The following ALK variants were observed in gnomAD, a reference collection of about 807,000 sequenced individuals.
ALK encodes ALK receptor tyrosine kinase, also known as ALK tyrosine kinase receptor.
Under a neutral mutation model 163.1 loss-of-function variants are expected in ALK, and 74 were observed. That is an observed-to-expected ratio of 0.45 (90% confidence interval 0.38 to 0.55). The LOEUF (loss-of-function observed/expected upper bound fraction) is 0.55, where lower values mean the gene tolerates loss of function less well. Ranked by LOEUF, ALK falls within the 20% of genes least tolerant of loss-of-function variation. The pLI is 0.00. For synonymous variants in ALK, 960 were observed against 843.2 expected (o/e 1.14, Z -2.40); for missense variants, 2,063 against 2,105.3 (o/e 0.98, Z 0.39).
At chr2:29,668,514 G>A (rs1370501569) in intron 3 of ALK, among the ~76,000 whole-genome samples, 1 of 151,958 alleles carries the variant, frequency 6.6e-6, no homozygotes, top group African/African-American at 2.4e-5. Flanking sequence ...TTGACCCATT[G>A]GTTGTTCAGG....
intron 1 of ALK, among the ~76,000 whole-genome samples, chr2:29,908,484 C>G (rs1160601214): frequency 6.6e-6 from 1 of 152,230 alleles, no homozygotes; most frequent in Non-Finnish European, 1.5e-5. Flanking sequence ...AGACCCTATT[C>G]TCAAATTACC....
At chr2:29,370,447 A>G (rs1037155138) in intron 5 of ALK, among the ~76,000 whole-genome samples, 3 of 152,186 alleles carry the variant, frequency 2.0e-5, no homozygotes, top group African/African-American at 7.2e-5. Flanking sequence ...TCCTGACCTT[A>G]CACTTGGGCT....
intron 3 of ALK, among the ~76,000 whole-genome samples, chr2:29,694,483 T>C (rs1291060201): frequency 6.6e-6 from 1 of 152,248 alleles, no homozygotes; most frequent in Non-Finnish European, 1.5e-5. Context: ...GACACACTTG[T>C]ACTAAAAAAT....
intron 5 of ALK, among the ~76,000 whole-genome samples, chr2:29,347,865 T>G (rs1178896071): frequency 6.6e-6 from 1 of 152,214 alleles, no homozygotes; most frequent in Non-Finnish European, 1.5e-5. Context: ...TGCATCAAAG[T>G]CATGCTTCTT....
rs1669150189 is a variant in ALK at position 29,200,773 on chromosome 2, G to GTT, written c.3939-3098_3939-3097insAA. ...TATACGTATATATGTATATATATAC[G>GTT]TATATATATGTATATACATGTATAC... On this transcript the variant is annotated intron_variant, in intron 26 of 28. Coordinates refer to ENST00000389048, the MANE Select transcript of ALK (RefSeq NM_004304.5). Among the ~76,000 whole-genome samples the GTT allele has an allele frequency of 1.2e-4, 16 of 132,536 alleles. No individual in the cohort carries two copies. The South Asian group carries it at 3.5e-3, about 29-fold the overall frequency. The allele number at this position is 132,536 out of a possible 152,430, so 86.9% of individuals were successfully genotyped here. A position where few individuals can be genotyped will look rare whatever the true frequency, so the allele number is the denominator to read the frequency against.
chr2:29,278,624 C>G (rs1665605474), intron 9 of ALK, among the ~76,000 whole-genome samples: 1 of 152,226 alleles, frequency 6.6e-6, no homozygotes, highest in Admixed American at 6.5e-5. Context: ...AGCCTGGGAT[C>G]TCAACTGGAA....
intron 3 of ALK, among the ~76,000 whole-genome samples, chr2:29,605,962 G>A (rs951132593): frequency 2.6e-4 from 15 of 57,848 alleles, no homozygotes; most frequent in Admixed American, 2.0e-3. Context: ...CCATCCCTTG[G>A]GTCCCAAAGA....
At chr2:29,576,440 C>T (rs1359723646) in intron 3 of ALK, among the ~76,000 whole-genome samples, 1 of 152,252 alleles carries the variant, frequency 6.6e-6, no homozygotes, top group Admixed American at 6.5e-5. Flanking sequence ...ATGCCCTCAA[C>T]TGTCAATGCC....
intron 1 of ALK, among the ~76,000 whole-genome samples, chr2:29,744,005 G>T (rs538284766): frequency 1.3e-5 from 2 of 151,708 alleles, no homozygotes; most frequent in East Asian, 3.9e-4. Flanking sequence ...TGCAAAGAAG[G>T]CTCTCAGAGA....
At chr2:29,320,043 C>G (rs982605606) in intron 7 of ALK, among the ~76,000 whole-genome samples, 1 of 152,258 alleles carries the variant, frequency 6.6e-6, no homozygotes, top group Non-Finnish European at 1.5e-5. Flanking sequence ...CTGGCCTCTC[C>G]AGCAGCCTAA....
intron 4 of ALK, among the ~76,000 whole-genome samples, chr2:29,472,159 G>C (rs755201716): frequency 6.6e-6 from 1 of 152,200 alleles, no homozygotes; most frequent in Non-Finnish European, 1.5e-5. Context: ...TCTATGGAGA[G>C]ACTATATGAG....
intron 3 of ALK, among the ~76,000 whole-genome samples, chr2:29,585,198 A>C (rs146817033): frequency 6.6e-6 from 1 of 152,370 alleles, no homozygotes; most frequent in East Asian, 1.9e-4. Flanking sequence ...GGCAAAATAT[A>C]AATGTATAAT....
At chr2:29,620,823 A>G (rs761111111) in intron 3 of ALK, among the ~76,000 whole-genome samples, 4 of 152,210 alleles carry the variant, frequency 2.6e-5, no homozygotes, top group Non-Finnish European at 5.9e-5. Flanking sequence ...AAGAACGCAT[A>G]CAAATTCAAA....
intron 5 of ALK, among the ~76,000 whole-genome samples, chr2:29,333,657 C>T (rs556146354): frequency 2.0e-4 from 30 of 152,294 alleles, no homozygotes; most frequent in African/African-American, 7.0e-4. Context: ...TCTCTGTCAC[C>T]TAGGTTGGAG....
At chr2:29,322,927 C>T (rs908895132) in intron 6 of ALK, among the ~76,000 whole-genome samples, 6 of 152,126 alleles carry the variant, frequency 3.9e-5, no homozygotes, top group East Asian at 3.8e-4. Flanking sequence ...AGGAGGAGGC[C>T]GGCCTGAGGT....
intron 1 of ALK, among the ~76,000 whole-genome samples, chr2:29,763,397 C>T (rs1680768502): frequency 6.6e-6 from 1 of 152,110 alleles, no homozygotes; most frequent in South Asian, 2.1e-4. Context: ...AGATATGTGA[C>T]CTCTAAGGAT....
intron 4 of ALK, among the ~76,000 whole-genome samples, chr2:29,467,714 T>C (rs887014615): frequency 3.4e-4 from 52 of 152,278 alleles, no homozygotes; most frequent in African/African-American, 1.2e-3. Flanking sequence ...TACTAAAATA[T>C]CATTTTTCTT....
intron 1 of ALK, among the ~76,000 whole-genome samples, chr2:29,832,361 G>T (rs1267151031): frequency 3.9e-5 from 6 of 152,208 alleles, no homozygotes; most frequent in Non-Finnish European, 8.8e-5. Flanking sequence ...AGCCTGATGT[G>T]TCAGAACTAG....
rs557621486 is a variant in ALK at position 29,880,451 on chromosome 2, T to A, written c.667+39542A>T. Among the ~76,000 whole-genome samples the A allele has an allele frequency of 2.0e-5, 3 of 152,212 alleles. No homozygotes were observed. In the South Asian group the frequency reaches 6.2e-4, roughly 32 times the overall value. Reference sequence around the variant, plus strand: ...GTTTTAAATGTTGGGGGGTCACAGATCCTGCTGAAAAGCTGATGAAAGCTA... The same window carrying A: ...GTTTTAAATGTTGGGGGGTCACAGAACCTGCTGAAAAGCTGATGAAAGCTA... On this transcript the variant is annotated intron_variant, in intron 1 of 28. Coordinates refer to ENST00000389048, the MANE Select transcript of ALK (RefSeq NM_004304.5).
Sources: allele counts gnomAD v4.1 joint callset (sites outside exome capture counted in the v4.1 genomes callset), GRCh38; gene constraint gnomAD v4.1.1; transcripts MANE v1.5; gene names NCBI Gene and HGNC (gene_info 2026-07-23, HGNC 2026-07-21).